Variants in RABGAP1L observed in about 807,000 individuals in gnomAD.
RABGAP1L encodes the protein rab GTPase-activating protein 1-like.
A neutral mutation model predicts 137.7 loss-of-function variants in RABGAP1L; 63 were observed. The ratio of observed to expected loss-of-function variants is 0.46; its 90% confidence interval spans 0.37 to 0.56. The LOEUF (loss-of-function observed/expected upper bound fraction) is 0.56, where lower values mean the gene tolerates loss of function less well. Among genes scored for constraint, RABGAP1L ranks in the 20% least tolerant of loss-of-function variants. RABGAP1L has a pLI of 0.00. For synonymous variants in RABGAP1L, 431 were observed against 433.7 expected, an observed-to-expected ratio of 0.99 and a Z score of 0.08; for missense variants, 1,095 against 1,244.0, an observed-to-expected ratio of 0.88 and a Z score of 1.80.
chr1:174,873,756 A>T (rs553361236), intron 19 of RABGAP1L, among the ~76,000 whole-genome samples: 1 of 151,762 alleles, frequency 6.6e-6, no homozygotes, highest in East Asian at 2.0e-4. Flanking sequence ...TGATCCACGC[A>T]CCTCGTCCTC....
intron 13 of RABGAP1L, among the ~76,000 whole-genome samples, chr1:174,603,416 C>G (rs1670557749): frequency 6.6e-6 from 1 of 152,124 alleles, no homozygotes; most frequent in Non-Finnish European, 1.5e-5. Context: ...GAATCCAGCA[C>G]AGTACTGGGT....
chr1:174,806,159 GC>G (rs967608155), intron 18 of RABGAP1L, among the ~76,000 whole-genome samples: 2 of 152,180 alleles, frequency 1.3e-5, no homozygotes, highest in Non-Finnish European at 2.9e-5. Flanking sequence ...GTGTTAGTCT[GC>G]CTTTTAGGGG....
At position 174,976,053 on chromosome 1, in the gene RABGAP1L, G is replaced by A. The variant is rs999006457; in HGVS notation, c.2545-25G>A. ...TACCCTCTGTATGACTGTGATGTAT[G>A]ACTGTGATGCACCATGATTTGCAGG... On this transcript the variant is annotated intron_variant, in intron 21 of 25. Transcript: ENST00000681986. 49 of 1,295,358 alleles carry A rather than the reference G, an allele frequency of 3.8e-5. No individual in the cohort carries two copies. In the African/African-American group the frequency reaches 6.2e-4, roughly 16 times the overall value. The allele number at this position is 1,295,358 out of a possible 1,614,324, so 80.2% of individuals were successfully genotyped here.
At chr1:174,233,535 G>C (rs1222183931) in intron 4 of RABGAP1L, among the ~76,000 whole-genome samples, 1 of 142,478 alleles carries the variant, frequency 7.0e-6, no homozygotes, top group African/African-American at 3.0e-5. Flanking sequence ...TTGTTCTTGC[G>C]ATAGTTTACT....
In RABGAP1L at chr1:174,564,643, C is replaced by A. The variant is rs78108940; in HGVS notation, c.1711-72732C>A. Among the ~76,000 whole-genome samples the A allele has an allele frequency of 4.1e-3, 618 of 152,182 alleles. 6 individuals are homozygous for A. Among genetic ancestry groups the A allele is most frequent in the African/African-American group, 0.012 (502 of 41,502 alleles). ...TACTTGTTTGAAACACCTCAGATCC[C>A]CTGGGCAGAGTAGATAGATGTAATT... On this transcript the variant is annotated intron_variant, in intron 13 of 25. Coordinates refer to ENST00000681986, the MANE Select transcript of RABGAP1L (RefSeq NM_001366446.1).
chr1:174,757,457 A>G lies in RABGAP1L; in HGVS notation c.2211+5103A>G, dbSNP rs572732417. Among the ~76,000 whole-genome samples the G allele has an allele frequency of 4.1e-3, 618 of 151,216 alleles. 3 individuals carry two copies. Among genetic ancestry groups the G allele is most frequent in the Middle Eastern group, 0.014 (4 of 290 alleles). ...GCAATGTGAGAGTACATTTTCCCATACTCTTCAAAAATTTCTAAACATTAA... is the reference window on the plus strand; with the variant it reads ...GCAATGTGAGAGTACATTTTCCCATGCTCTTCAAAAATTTCTAAACATTAA... On this transcript the variant is annotated intron_variant, in intron 18 of 25. Transcript: ENST00000681986.
intron 18 of RABGAP1L, among the ~76,000 whole-genome samples, chr1:174,796,118 C>T (rs536566698): frequency 2.6e-5 from 4 of 152,298 alleles, no homozygotes; most frequent in African/African-American, 7.2e-5. Context: ...CTAGTTAAAT[C>T]GGAAGAGTTT....
Position 174,714,935 on chromosome 1 carries a change from A to G in RABGAP1L, c.2169+12679A>G, listed in dbSNP as rs543526782. 3.9e-4 allele frequency among the ~76,000 whole-genome samples: 60 copies of G among 152,294 alleles called. 1 individual carries two copies. In the South Asian group the frequency reaches 0.012, roughly 32 times the overall value. On this transcript the variant is annotated intron_variant, in intron 17 of 25. Coordinates refer to ENST00000681986, the MANE Select transcript of RABGAP1L (RefSeq NM_001366446.1). ...CATTTGATAAATGTAATATTAAGTA[A>G]AATTCTGATGCATCTCAAGACAAGC... is the stretch of plus-strand genomic sequence containing the variant.
At chr1:174,788,168 A>G (rs946032656) in intron 18 of RABGAP1L, among the ~76,000 whole-genome samples, 18 of 152,170 alleles carry the variant, frequency 1.2e-4, no homozygotes, top group African/African-American at 4.3e-4. Flanking sequence ...TTATTGTTTG[A>G]ACTTCATTAA....
At chr1:174,602,498 G>T (rs1010213697) in intron 13 of RABGAP1L, among the ~76,000 whole-genome samples, 22 of 152,270 alleles carry the variant, frequency 1.4e-4, no homozygotes, top group African/African-American at 4.8e-4. Context: ...CCCACAACAC[G>T]TGGAAATTCT....
At chr1:174,663,440 A>G (rs1676537766) in intron 14 of RABGAP1L, among the ~76,000 whole-genome samples, 1 of 152,230 alleles carries the variant, frequency 6.6e-6, no homozygotes, top group African/African-American at 2.4e-5. Context: ...GCAACGAGCT[A>G]TACCATATAG....
intron 11 of RABGAP1L, among the ~76,000 whole-genome samples, chr1:174,339,212 T>G (rs1681747353): frequency 6.6e-6 from 1 of 152,132 alleles, no homozygotes; most frequent in Non-Finnish European, 1.5e-5. Flanking sequence ...AAATTAAAGT[T>G]TTTTTTTGCA....
intron 19 of RABGAP1L, among the ~76,000 whole-genome samples, chr1:174,934,133 G>C (rs1214410414): frequency 6.6e-6 from 1 of 152,064 alleles, no homozygotes; most frequent in African/African-American, 2.4e-5. Flanking sequence ...CTGTTGCCCA[G>C]GCTGGAGTAC....
At chr1:174,582,927 T>C (rs1204685824) in intron 13 of RABGAP1L, among the ~76,000 whole-genome samples, 2 of 152,170 alleles carry the variant, frequency 1.3e-5, no homozygotes, top group Admixed American at 1.3e-4. Flanking sequence ...TAACCAAAAA[T>C]AGCAATGCAA....
chr1:174,973,959 G>A (rs1440925294), intron 21 of RABGAP1L, among the ~76,000 whole-genome samples: 1 of 147,310 alleles, frequency 6.8e-6, no homozygotes, highest in East Asian at 2.1e-4. Context: ...ACACTGAAAT[G>A]AGCAGTACAA....
Position 174,250,574 on chromosome 1 carries a change from G to C in RABGAP1L, c.817G>C (p.Val273Leu). ...DSVIPTPDSD[V>L]FTFSVSLEVK... ...AGTTATTCCTACCCCCGACAGTGAT[G>C]TGTTTACCTTCAGTGTCTCCTTGGA... Residue 273 changes from valine to leucine, a missense_variant, in exon 6 of 26, where the codon GTG (valine) becomes CTG (leucine). This residue lies in a region of RABGAP1L where 356 missense variants were observed against 326.3 expected (regional missense o/e 1.09). Coordinates refer to ENST00000681986, the MANE Select transcript of RABGAP1L (RefSeq NM_001366446.1). 1 of 1,613,968 alleles carries C rather than the reference G, an allele frequency of 6.2e-7. No individual in the cohort carries two copies. The highest frequency in any genetic ancestry group is 8.5e-7 in the Non-Finnish European group (1 of 1,179,934).
intron 13 of RABGAP1L, among the ~76,000 whole-genome samples, chr1:174,604,617 A>T (rs966065653): frequency 6.6e-6 from 1 of 152,164 alleles, no homozygotes; most frequent in East Asian, 1.9e-4. Flanking sequence ...CTATTCAGCC[A>T]TCTTGCTCCA....
intron 18 of RABGAP1L, among the ~76,000 whole-genome samples, chr1:174,764,084 T>G (rs1479951796): frequency 6.6e-6 from 1 of 152,178 alleles, no homozygotes; most frequent in Non-Finnish European, 1.5e-5. Flanking sequence ...GTGACTGGCT[T>G]TTTTTCCTTA....
At chr1:174,371,553 G>A (rs1558175452) in intron 12 of RABGAP1L, among the ~76,000 whole-genome samples, 1 of 151,492 alleles carries the variant, frequency 6.6e-6, no homozygotes, top group African/African-American at 2.4e-5. Flanking sequence ...TTAAATTTTG[G>A]CGTATTTTAT....
Sources: gnomAD v4.1 joint callset for allele counts (sites outside exome capture counted in the v4.1 genomes callset) on GRCh38, gnomAD v4.1.1 for gene constraint, gnomAD v4.1.1 regional missense constraint, MANE v1.5 for transcripts, NCBI Gene and HGNC (gene_info 2026-07-23, HGNC 2026-07-21) for gene names.